FRMD4B: variants seen among roughly 807,000 people sequenced by gnomAD.
FRMD4B encodes the protein FERM domain-containing protein 4B.
A neutral mutation model predicts 141.5 loss-of-function variants in FRMD4B; 74 were observed. The observed-to-expected ratio is 0.52, with a 90% CI of 0.43 to 0.63. The LOEUF (loss-of-function observed/expected upper bound fraction) is 0.63, where lower values mean the gene tolerates loss of function less well. FRMD4B is among the 30% of genes least tolerant of loss of function. FRMD4B has a pLI of 0.00. For synonymous variants in FRMD4B, 506 were observed against 467.9 expected (o/e 1.08, Z -1.05); for missense variants, 1,366 against 1,253.4 (o/e 1.09, Z -1.36).
intron 1 of FRMD4B, among the ~76,000 whole-genome samples, chr3:69,501,287 T>A (rs1233297791): frequency 1.3e-5 from 2 of 151,032 alleles, no homozygotes; most frequent in Non-Finnish European, 2.9e-5. Flanking sequence ...ATATTTTATG[T>A]GTGGCCCAAG....
chr3:69,537,894 T>C (rs956226134), intron 1 of FRMD4B, among the ~76,000 whole-genome samples: 2 of 152,230 alleles, frequency 1.3e-5, no homozygotes, highest in African/African-American at 4.8e-5. Context: ...TTCCTGCAAC[T>C]GTATTCATGT....
At chr3:69,262,047 A>T (rs2093530582) in intron 5 of FRMD4B, among the ~76,000 whole-genome samples, 1 of 151,970 alleles carries the variant, frequency 6.6e-6, no homozygotes, top group African/African-American at 2.4e-5. Context: ...GCTCACTGCA[A>T]CCACTGCCTC....
chr3:69,455,612 A>G (rs1349128394), intron 1 of FRMD4B, among the ~76,000 whole-genome samples: 2 of 152,196 alleles, frequency 1.3e-5, no homozygotes, highest in East Asian at 3.9e-4. Flanking sequence ...CATCTTTAAG[A>G]ACTGTAATGC....
intron 3 of FRMD4B, among the ~76,000 whole-genome samples, chr3:69,310,948 C>A (rs992306360): frequency 4.6e-5 from 7 of 152,044 alleles, no homozygotes; most frequent in African/African-American, 1.7e-4. Context: ...ATATTTCTAC[C>A]ATATAAGCTA....
intron 19 of FRMD4B, among the ~76,000 whole-genome samples, chr3:69,183,987 C>T (rs753271784): frequency 7.2e-5 from 11 of 151,878 alleles, no homozygotes; most frequent in Non-Finnish European, 1.5e-4. Flanking sequence ...CCTCCAGCTC[C>T]TGGGTTCGAG....
intron 1 of FRMD4B, among the ~76,000 whole-genome samples, chr3:69,533,693 C>T (rs962398518): frequency 6.6e-6 from 1 of 152,170 alleles, no homozygotes; most frequent in African/African-American, 2.4e-5. Context: ...TGTCCTTCCT[C>T]CTACTTATCA....
chr3:69,249,337 G>T, intron 6 of FRMD4B, 89 bp from the exon 7 acceptor site: 1 of 851,906 alleles, frequency 1.2e-6, no homozygotes, highest in South Asian at 1.6e-5. Context: ...CCCTCTTAAA[G>T]TTCCTGAGTT....
intron 2 of FRMD4B, among the ~76,000 whole-genome samples, chr3:69,400,395 A>G (rs1704543828): frequency 6.6e-6 from 1 of 152,116 alleles, no homozygotes; most frequent in Non-Finnish European, 1.5e-5. Context: ...AGAAAAAAAA[A>G]AAGTGTACCA....
intron 1 of FRMD4B, among the ~76,000 whole-genome samples, chr3:69,480,687 C>T (rs998830292): frequency 7.9e-5 from 12 of 152,046 alleles, no homozygotes; most frequent in African/African-American, 2.2e-4. Flanking sequence ...AGGCAGTCTG[C>T]CCGTTCTCAG....
chr3:69,286,461 G>A lies in FRMD4B; in HGVS notation c.501+1291C>T, dbSNP rs561142337. Among the ~76,000 whole-genome samples, 13 of 13,512 alleles carry A rather than the reference G, an allele frequency of 9.6e-4. No homozygotes were observed. In the Non-Finnish European group the frequency reaches 0.033, roughly 34 times the overall value. The allele number at this position is 13,512 out of a possible 152,430, so 8.9% of individuals were successfully genotyped here. ...ATCATCTTGAAGGTAGACTTGATAA[G>A]TTAAAAATGTGTATACTATAAACCC... is the stretch of plus-strand genomic sequence containing the variant. On this transcript the variant is annotated intron_variant, in intron 5 of 22. Transcript: ENST00000398540.
chr3:69,377,499 C>T (rs111657026), intron 1 of FRMD4B, among the ~76,000 whole-genome samples: 3 of 152,292 alleles, frequency 2.0e-5, no homozygotes, highest in Non-Finnish European at 1.5e-5. Flanking sequence ...GGGAGGCACC[C>T]GTAGAAGGTG....
In FRMD4B at chr3:69,198,766, T is replaced by C. The variant is rs189397393; in HGVS notation, c.885A>G (p.Gln295=). The change falls in exon 12 of 23, where the codon CAA becomes CAG. Residue 295 remains glutamine (Q), a synonymous_variant. Transcript: ENST00000398540. ...AATATAAGTTCTCCAGCTGTTTCCA[T>C]TGGAATAACTAAAGAAAACAGAAAA... ...QDKVKPRKLF[Q]WKQLENLYFR... 5,532 of 1,513,048 alleles carry C rather than the reference T, an allele frequency of 3.7e-3. 16 individuals carry two copies. Among genetic ancestry groups the C allele is most frequent in the Non-Finnish European group, 4.6e-3 (5,053 of 1,103,460 alleles). 93.7% of individuals were successfully genotyped at this position (1,513,048 alleles called of 1,614,324 possible). A position where few individuals can be genotyped will look rare whatever the true frequency, so the allele number is the denominator to read the frequency against.
chr3:69,538,136 C>T (rs1191048407), intron 1 of FRMD4B, among the ~76,000 whole-genome samples: 1 of 152,080 alleles, frequency 6.6e-6, no homozygotes, highest in Non-Finnish European at 1.5e-5. Context: ...GCTATATGGT[C>T]GTCTTGTCAC....
At chr3:69,468,982 T>C (rs1472464) in intron 1 of FRMD4B, among the ~76,000 whole-genome samples, 62,276 of 152,056 alleles carry the variant, frequency 0.41, 12,884 homozygotes, top group East Asian at 0.5. Context: ...ACTGGGATGA[T>C]GTAACAAAGA....
chr3:69,350,198 A>G lies in FRMD4B; in HGVS notation c.162+35630T>C, dbSNP rs1003728147. On this transcript the variant is annotated intron_variant, in intron 1 of 22. Coordinates refer to ENST00000398540, the MANE Select transcript of FRMD4B (RefSeq NM_015123.3). Reference sequence around the variant, plus strand: ...AGACGCTTCTCAAAAGAAGACATTTATGCAACCAATAGACACATGAAAAAA... The same window carrying G: ...AGACGCTTCTCAAAAGAAGACATTTGTGCAACCAATAGACACATGAAAAAA... 6.6e-5 allele frequency among the ~76,000 whole-genome samples: 10 copies of G among 152,254 alleles called. No individual in the cohort carries two copies. The East Asian group carries it at 1.9e-3, about 29-fold the overall frequency.
chr3:69,342,102 A>G (rs1702758856), intron 1 of FRMD4B, among the ~76,000 whole-genome samples: 1 of 152,120 alleles, frequency 6.6e-6, no homozygotes, highest in Non-Finnish European at 1.5e-5. Context: ...ACTTCCCCCC[A>G]CAAATATAGG....
At chr3:69,340,233 G>A (rs1021118452) in intron 1 of FRMD4B, among the ~76,000 whole-genome samples, 1 of 152,112 alleles carries the variant, frequency 6.6e-6, no homozygotes, top group Admixed American at 6.5e-5. Flanking sequence ...CATGTCATGG[G>A]GGTTTGGTGT....
intron 7 of FRMD4B, among the ~76,000 whole-genome samples, chr3:69,234,785 G>A (rs1299389555): frequency 1.3e-5 from 2 of 152,222 alleles, no homozygotes; most frequent in Non-Finnish European, 2.9e-5. Flanking sequence ...GAAAGGCTGA[G>A]GGTGGGGCTC....
chr3:69,260,168 G>T (rs571642369), intron 5 of FRMD4B, among the ~76,000 whole-genome samples: 1 of 152,232 alleles, frequency 6.6e-6, no homozygotes, highest in African/African-American at 2.4e-5. Flanking sequence ...CTCTGGTCTC[G>T]CTTGAGGAGC....
Sources: allele counts gnomAD v4.1 joint callset (sites outside exome capture counted in the v4.1 genomes callset), GRCh38; gene constraint gnomAD v4.1.1; transcripts MANE v1.5; gene names NCBI Gene and HGNC (gene_info 2026-07-23, HGNC 2026-07-21).